PIP5K1C: variants seen among roughly 807,000 people sequenced by gnomAD.
The protein encoded by PIP5K1C is phosphatidylinositol 4-phosphate 5-kinase type-1 gamma.
A neutral mutation model predicts 80.1 loss-of-function variants in PIP5K1C; 45 were observed. The observed-to-expected ratio is 0.56, with a 90% CI of 0.44 to 0.72. The LOEUF (loss-of-function observed/expected upper bound fraction) is 0.72, where lower values mean the gene tolerates loss of function less well. Ranked by LOEUF, PIP5K1C falls within the 30% of genes least tolerant of loss-of-function variation. PIP5K1C has a pLI of 0.00. For missense variants in PIP5K1C, 753 were observed against 954.6 expected (o/e 0.79, Z 2.78); for synonymous variants, 498 against 420.1 (o/e 1.19, Z -2.27).
At chr19:3,660,457 T>C (rs2034797283) in intron 5 of PIP5K1C, among the ~76,000 whole-genome samples, 1 of 151,996 alleles carries the variant, frequency 6.6e-6, no homozygotes, top group South Asian at 2.1e-4. Flanking sequence ...AACACCTCTT[T>C]TAGGAGCCCG....
intron 5 of PIP5K1C, among the ~76,000 whole-genome samples, chr19:3,657,657 C>A (rs746618635): frequency 1.2e-4 from 18 of 152,022 alleles, no homozygotes; most frequent in Non-Finnish European, 2.1e-4. Context: ...GGCACGGCGG[C>A]TCACCCAGCA....
In PIP5K1C at chr19:3,661,928, G is replaced by A; in HGVS notation, c.293C>T (p.Pro98Leu). 1 of 1,612,738 alleles carries A rather than the reference G, an allele frequency of 6.2e-7. No individual in the cohort carries two copies. Among genetic ancestry groups the A allele is most frequent in the Admixed American group, 1.7e-5 (1 of 60,008 alleles). Residue 98 changes from proline to leucine, a missense_variant, in exon 4 of 18, where the codon CCC becomes CTC. Around this residue, in one of 6 missense-constraint regions of PIP5K1C, gnomAD observed 139 missense variants for 289.7 expected, o/e 0.48. Transcript: ENST00000335312. ...GTCCTGCATGAGCACGTCGCGTTCGGGCTTGGAGCTCAGGTGGCCCACGGT... is the reference window on the plus strand; with the variant it reads ...GTCCTGCATGAGCACGTCGCGTTCGAGCTTGGAGCTCAGGTGGCCCACGGT... ...GYTVGHLSSK[P>L]ERDVLMQDFY...
At chr19:3,646,124 CCAGA>C in intron 10 of PIP5K1C, 66 bp from the exon 11 acceptor site, 1 of 977,564 alleles carries the variant, frequency 1.0e-6, no homozygotes. Context: ...GGGGACAGCC[CCAGA>C]CAGACGCTGT....
At chr19:3,690,513 C>T (rs1045235822) in intron 1 of PIP5K1C, among the ~76,000 whole-genome samples, 1 of 147,534 alleles carries the variant, frequency 6.8e-6, no homozygotes, top group Admixed American at 6.7e-5. Flanking sequence ...GAAATGTGAA[C>T]AAAAAAGAAG....
intron 1 of PIP5K1C, among the ~76,000 whole-genome samples, chr19:3,693,166 C>A (rs984697029): frequency 6.6e-6 from 1 of 152,188 alleles, no homozygotes; most frequent in Non-Finnish European, 1.5e-5. Context: ...CCACAGCACA[C>A]GCAGGAAAGC....
chr19:3,654,182 G>A (rs539457185), intron 6 of PIP5K1C, among the ~76,000 whole-genome samples: 6 of 152,314 alleles, frequency 3.9e-5, no homozygotes, highest in African/African-American at 1.4e-4. Flanking sequence ...TGCTTTGCCT[G>A]TGTTGAACTG....
chr19:3,644,358 C>G, intron 11 of PIP5K1C, 107 bp from the exon 12 acceptor site: 1 of 1,133,010 alleles, frequency 8.8e-7, no homozygotes, highest in Non-Finnish European at 1.3e-6. Flanking sequence ...GCCCACCAGA[C>G]CCCTACCGGT....
At chr19:3,635,410 G>A (rs1009354167) in intron 16 of PIP5K1C, among the ~76,000 whole-genome samples, 1 of 152,200 alleles carries the variant, frequency 6.6e-6, no homozygotes, top group East Asian at 1.9e-4. Flanking sequence ...AAGGCCGGGC[G>A]TGGTGGCTCA....
intron 1 of PIP5K1C, among the ~76,000 whole-genome samples, chr19:3,693,244 T>C (rs2035997650): frequency 6.6e-6 from 1 of 152,058 alleles, no homozygotes; most frequent in African/African-American, 2.4e-5. Context: ...GCCTGCAAAG[T>C]GGAGGCATGA....
At position 3,652,060 on chromosome 19, in the gene PIP5K1C, G is replaced by A. The variant is rs369869720; in HGVS notation, c.922-29C>T. 1,538 of 1,603,662 alleles carry A rather than the reference G, an allele frequency of 9.6e-4. 2 individuals are homozygous for A. Among genetic ancestry groups the A allele is most frequent in the Non-Finnish European group, 1.2e-3 (1,356 of 1,171,790 alleles). On this transcript the variant is annotated intron_variant, in intron 7 of 17. Coordinates refer to ENST00000335312, the MANE Select transcript of PIP5K1C (RefSeq NM_012398.3). Reference sequence around the variant, plus strand: ...GCGGGATCGGGCAGGAACACGCCACGCCGTCAGCCGTCTCTATCCCCCACA... The same window carrying A: ...GCGGGATCGGGCAGGAACACGCCACACCGTCAGCCGTCTCTATCCCCCACA...
chr19:3,646,071 T>C lies in PIP5K1C; in HGVS notation c.1261-13A>G. The C allele has an allele frequency of 7.6e-7, 1 of 1,309,106 alleles. No individual in the cohort carries two copies. The highest frequency in any genetic ancestry group is 1.0e-6 in the Non-Finnish European group (1 of 961,682). The allele number at this position is 1,309,106 out of a possible 1,614,324, so 81.1% of individuals were successfully genotyped here. The stretch of plus-strand genomic sequence containing the variant: ...CGGACACCGTGTCCTGGAAGAGAGT[T>C]GGGGGGGGTGCCCGGGGGCAGAGGG... On this transcript the variant is annotated splice_polypyrimidine_tract_variant and intron_variant, in intron 10 of 17. Transcript: ENST00000335312.
At chr19:3,700,275 C>A in intron 1 of PIP5K1C, 22 bp downstream of exon 1, 3 of 1,222,896 alleles carry the variant, frequency 2.5e-6, no homozygotes, top group Non-Finnish European at 3.1e-6. Flanking sequence ...CGGGCCGCAG[C>A]CCCGGGAGGC....
At chr19:3,641,859 T>C (rs1050571993) in intron 14 of PIP5K1C, 50 bp from the exon 15 acceptor site, 2 of 1,474,680 alleles carry the variant, frequency 1.4e-6, no homozygotes, top group Admixed American at 1.7e-5. Context: ...ACTTCCCCCA[T>C]CCTACCCCCA....
At chr19:3,640,177 G>C (rs1449296021) in intron 15 of PIP5K1C, among the ~76,000 whole-genome samples, 1 of 152,214 alleles carries the variant, frequency 6.6e-6, no homozygotes, top group East Asian at 1.9e-4. Flanking sequence ...TTTGGTAACA[G>C]TGCAAGCATG....
intron 1 of PIP5K1C, among the ~76,000 whole-genome samples, chr19:3,674,789 C>T (rs1009670309): frequency 6.6e-6 from 1 of 152,244 alleles, no homozygotes; most frequent in Non-Finnish European, 1.5e-5. Flanking sequence ...ACATGAGCCA[C>T]CGTGCCCGGC....
intron 8 of PIP5K1C, among the ~76,000 whole-genome samples, chr19:3,651,445 C>G (rs1387090126): frequency 1.3e-5 from 2 of 152,236 alleles, no homozygotes; most frequent in African/African-American, 2.4e-5. Flanking sequence ...TCGCCCGATC[C>G]CTCTGGCCTC....
intron 8 of PIP5K1C, chr19:3,649,936 C>A: frequency 4.0e-6 from 1 of 251,714 alleles, no homozygotes; most frequent in African/African-American, 2.4e-5. Flanking sequence ...CCACTGGGAC[C>A]CAGACCCGCT....
chr19:3,639,852 C>T (rs988797041), intron 15 of PIP5K1C, among the ~76,000 whole-genome samples: 8 of 152,180 alleles, frequency 5.3e-5, no homozygotes, highest in East Asian at 1.9e-4. Flanking sequence ...TTTGCGGAAA[C>T]GGAGGCACGG....
chr19:3,647,803 C>T lies in PIP5K1C; in HGVS notation c.1212-417G>A, dbSNP rs538094157. Among the ~76,000 whole-genome samples the T allele has an allele frequency of 2.4e-3, 371 of 152,240 alleles. 4 individuals are homozygous for T. The highest frequency in any genetic ancestry group is 8.4e-3 in the African/African-American group (348 of 41,542). On this transcript the variant is annotated intron_variant, in intron 9 of 17. Coordinates refer to ENST00000335312, the MANE Select transcript of PIP5K1C (RefSeq NM_012398.3). Reference sequence around the variant, plus strand: ...CTCTACTAAAAATACAAAAATTAGCCGGGCGTGCTGGCGCGTGCCAGTAAT... The same window carrying T: ...CTCTACTAAAAATACAAAAATTAGCTGGGCGTGCTGGCGCGTGCCAGTAAT...
Sources: allele counts gnomAD v4.1 joint callset (sites outside exome capture counted in the v4.1 genomes callset), GRCh38; gene constraint gnomAD v4.1.1; regional missense constraint gnomAD v4.1.1; transcripts MANE v1.5; gene names NCBI Gene and HGNC (gene_info 2026-07-23, HGNC 2026-07-21).